APLP1: variants seen among roughly 807,000 people sequenced by gnomAD.
APLP1 encodes the protein amyloid beta precursor like protein 1, also known as amyloid beta (A4) precursor-like protein 1.
A neutral mutation model predicts 84.5 loss-of-function variants in APLP1; 46 were observed. The observed-to-expected ratio is 0.54, with a 90% CI of 0.43 to 0.70. APLP1 has a LOEUF of 0.70. Among genes scored for constraint, APLP1 ranks in the 30% least tolerant of loss-of-function variants. The pLI is 0.00. For missense variants in APLP1, 826 were observed against 900.2 expected (o/e 0.92, Z 1.05); for synonymous variants, 376 against 364.0 (o/e 1.03, Z -0.38).
At chr19:35,877,951 C>T in intron 12 of APLP1, 126 bp downstream of exon 12, 1 of 1,307,082 alleles carries the variant, frequency 7.7e-7, no homozygotes, top group South Asian at 1.3e-5. Flanking sequence ...GGAGGAACGT[C>T]TAAGGTTGCA....
At chr19:35,871,112 A>G in intron 3 of APLP1, 84 bp downstream of exon 3, 1 of 1,508,334 alleles carries the variant, frequency 6.6e-7, no homozygotes, top group Non-Finnish European at 8.9e-7. Context: ...GCCTACATTA[A>G]GGGGCTGGGT....
In APLP1 at chr19:35,874,993, G is replaced by A; in HGVS notation, c.1344+124G>A. 8.3e-6 allele frequency: 11 copies of A among 1,333,058 alleles called. No individual in the cohort carries two copies. Among genetic ancestry groups the A allele is most frequent in the South Asian group, 2.9e-5 (2 of 69,038 alleles). 82.6% of individuals were successfully genotyped at this position (1,333,058 alleles called of 1,614,324 possible). A position where few individuals can be genotyped will look rare whatever the true frequency, so the allele number is the denominator to read the frequency against. On this transcript the variant is annotated intron_variant, in intron 10 of 16. Coordinates refer to ENST00000221891, the MANE Select transcript of APLP1 (RefSeq NM_001024807.3). The surrounding 1 kb of genome is among the most constrained non-coding windows in gnomAD (Gnocchi z 6.4). ...GACCCCTTCCTATCCCCTGAACACC[G>A]CTTCTCTGCCCCTTCCCAGTCTCTC... is the stretch of plus-strand genomic sequence containing the variant.
Position 35,878,089 on chromosome 19 carries a change from C to A in APLP1, c.1560C>A (p.Thr520=). Residue 520 remains threonine, a synonymous_variant, in exon 13 of 17, where the codon ACC becomes ACA. Coordinates refer to ENST00000221891, the MANE Select transcript of APLP1 (RefSeq NM_001024807.3). ...GCTTCCTCTGGCTGCCAGCAGACAC[C>A]CCCATGACCCTTCCAAAAGGTGAGT... ...LQPPDSKDAD[T]PMTLPKGSTE... is the part of the protein sequence containing the mutation. 1 of 1,612,786 alleles carries A rather than the reference C, an allele frequency of 6.2e-7. No homozygotes were observed. Among genetic ancestry groups the A allele is most frequent in the Non-Finnish European group, 8.5e-7 (1 of 1,179,476 alleles).
rs968692090 is a variant in APLP1 at position 35,877,718 on chromosome 19, A to G, written c.1445A>G (p.Gln482Arg). Residue 482 changes from glutamine to arginine, a missense_variant and splice_region_variant, in exon 12 of 17, where the codon CAG (glutamine) becomes CGG (arginine). By Grantham distance (43) the Gln-to-Arg change is conservative. Transcript: ENST00000221891. ...HLAQELRPQI[Q>R]ELLHSEHLGP... ...CCACCTTTCTGCATGTCCCCCTCAG[A>G]GGAACTCCTCCACTCTGAACACCTG... The G allele has an allele frequency of 6.2e-7, 1 of 1,611,956 alleles. No homozygotes were observed. The highest frequency in any genetic ancestry group is 8.5e-7 in the Non-Finnish European group (1 of 1,178,790).
chr19:35,878,148 T>C, intron 13 of APLP1, 40 bp downstream of exon 13: 1 of 1,598,786 alleles, frequency 6.3e-7, no homozygotes, highest in East Asian at 2.2e-5. Context: ...CAAATCCCAC[T>C]GAATCCCTGA....
Position 35,879,135 on chromosome 19 carries a change from G to T in APLP1, c.1775G>T (p.Gly592Val). Residue 592 changes from glycine (G) to valine (V), a missense_variant, in exon 16 of 17, where the codon GGC becomes GTC. Transcript: ENST00000221891. Reference sequence around the variant, plus strand: ...TCGGGTCTGCTGATCATGGGAGCGGGCGGAGGCTCCCTCATCGTCCTCTCC... The same window carrying T: ...TCGGGTCTGCTGATCATGGGAGCGGTCGGAGGCTCCCTCATCGTCCTCTCC... ...AVSGLLIMGA[G>V]GGSLIVLSML... The T allele has an allele frequency of 6.2e-7, 1 of 1,612,376 alleles. No individual in the cohort carries two copies.
rs182094074 is a variant in APLP1 at position 35,877,214 on chromosome 19, C to T, written c.1445-504C>T. On this transcript the variant is annotated intron_variant, in intron 11 of 16. Transcript: ENST00000221891. ...ATTTAAGAAAGCTATCATCTTGAGG[C>T]GCGGTGGCTCACGCCTATAATCCCA... is the stretch of plus-strand genomic sequence containing the variant. Among the ~76,000 whole-genome samples, 54 of 152,238 alleles carry T rather than the reference C, an allele frequency of 3.5e-4. 1 individual carries two copies. In the South Asian group the frequency reaches 0.01, roughly 29 times the overall value.
At chr19:35,871,486 A>G in intron 4 of APLP1, 126 bp from the exon 5 acceptor site, 2 of 1,398,956 alleles carry the variant, frequency 1.4e-6, no homozygotes, top group South Asian at 2.5e-5. Context: ...TTCATCCCCC[A>G]ACCCCTTCCT....
Position 35,868,896 on chromosome 19 carries a change from C to A in APLP1, c.147+113C>A. The A allele has an allele frequency of 1.1e-6, 1 of 902,422 alleles. No individual in the cohort carries two copies. 55.9% of individuals were successfully genotyped at this position (902,422 alleles called of 1,614,324 possible). A position where few individuals can be genotyped will look rare whatever the true frequency, so the allele number is the denominator to read the frequency against. ...GCGGTCTTTCCAGCCAGGTGGTCAG[C>A]CCCCAGGCGCCCCCAATCACATTTA... On this transcript the variant is annotated intron_variant, in intron 1 of 16. Transcript: ENST00000221891. This position sits in a 1 kb window ranked among gnomAD's most constrained non-coding sequence, Gnocchi z 5.2.
Position 35,878,087 on chromosome 19 carries a change from A to G in APLP1, c.1558A>G (p.Thr520Ala). The G allele has an allele frequency of 6.2e-7, 1 of 1,611,618 alleles. No homozygotes were observed. Among genetic ancestry groups the G allele is most frequent in the Non-Finnish European group, 8.5e-7 (1 of 1,179,074 alleles). Residue 520 changes from threonine to alanine, a missense_variant, in exon 13 of 17, where the codon ACC (threonine) becomes GCC (alanine). This residue lies in a region of APLP1 where 433 missense variants were observed against 496.5 expected (regional missense o/e 0.87). Coordinates refer to ENST00000221891, the MANE Select transcript of APLP1 (RefSeq NM_001024807.3). Reference sequence around the variant, plus strand: ...TTGCTTCCTCTGGCTGCCAGCAGACACCCCCATGACCCTTCCAAAAGGTGA... The same window carrying G: ...TTGCTTCCTCTGGCTGCCAGCAGACGCCCCCATGACCCTTCCAAAAGGTGA... ...LQPPDSKDAD[T>A]PMTLPKGSTE...
chr19:35,871,425 A>G (rs1974144147), intron 4 of APLP1, 76 bp downstream of exon 4: 2 of 1,416,522 alleles, frequency 1.4e-6, no homozygotes, highest in African/African-American at 1.4e-5. Context: ...CGCCACCAGA[A>G]CCGAGGAGTC....
Sources: gnomAD v4.1 joint callset for allele counts (sites outside exome capture counted in the v4.1 genomes callset) on GRCh38, gnomAD v4.1.1 for gene constraint, gnomAD v4.1.1 regional missense constraint, Gnocchi (gnomAD v3.1) non-coding constraint, MANE v1.5 for transcripts, NCBI Gene and HGNC (gene_info 2026-07-23, HGNC 2026-07-21) for gene names.